The following PRKN variants were observed in gnomAD, a reference collection of about 807,000 sequenced individuals.
PRKN encodes parkin RBR E3 ubiquitin protein ligase, also known as E3 ubiquitin-protein ligase parkin.
PRKN carries 56 observed loss-of-function variants against 59.5 expected under a neutral mutation model. The ratio of observed to expected loss-of-function variants is 0.94; its 90% CI spans 0.76 to 1.18. The LOEUF (loss-of-function observed/expected upper bound fraction) is 1.18, where lower values mean the gene tolerates loss of function less well. Ranked by LOEUF, PRKN falls within the 50% of genes most tolerant of loss-of-function variation. The probability of loss-of-function intolerance (pLI) is 0.00; values close to 1 mark genes in which losing one functional copy is unlikely to be tolerated. For missense variants in PRKN, 657 were observed against 596.4 expected (o/e 1.10, Z -1.06); for synonymous variants, 250 against 222.1 (o/e 1.13, Z -1.12).
At chr6:161,640,521 G>C (rs6455746) in intron 7 of PRKN, among the ~76,000 whole-genome samples, 98,480 of 151,968 alleles carry the variant, frequency 0.65, 33,379 homozygotes, top group African/African-American at 0.84. Flanking sequence ...AACGAGATAT[G>C]GAATACAAAA....
chr6:161,934,208 T>C (rs897845920), intron 6 of PRKN, among the ~76,000 whole-genome samples: 3 of 152,194 alleles, frequency 2.0e-5, no homozygotes, highest in African/African-American at 7.2e-5. Flanking sequence ...CTCCTGTCGC[T>C]TTGTGAAGAA....
intron 1 of PRKN, among the ~76,000 whole-genome samples, chr6:162,709,305 G>A (rs1222325686): frequency 5.9e-5 from 9 of 151,698 alleles, no homozygotes; most frequent in Admixed American, 3.3e-4. Context: ...TTATGAAACC[G>A]ATCCCTGGTG....
rs934064585 is a variant in PRKN at position 161,593,057 on chromosome 6, C to T, written c.872-23641G>A. On this transcript the variant is annotated intron_variant, in intron 7 of 11. Transcript: ENST00000366898. The surrounding 1 kb of genome is among the most constrained non-coding windows in gnomAD (Gnocchi z 4.8). Reference sequence around the variant, plus strand: ...CGACTGCACAGAGCGTCCTCAGATGCGCTGCACCCCACGTCCGCTGCTGTT... The same window carrying T: ...CGACTGCACAGAGCGTCCTCAGATGTGCTGCACCCCACGTCCGCTGCTGTT... Among the ~76,000 whole-genome samples the T allele has an allele frequency of 2.0e-5, 3 of 152,294 alleles. No homozygotes were observed. Among genetic ancestry groups the T allele is most frequent in the Non-Finnish European group, 2.9e-5 (2 of 68,030 alleles).
intron 9 of PRKN, among the ~76,000 whole-genome samples, chr6:161,532,303 G>A (rs1228964951): frequency 6.6e-6 from 1 of 151,938 alleles, no homozygotes; most frequent in Non-Finnish European, 1.5e-5. Context: ...AAGTTTTAGG[G>A]TTCACTTAAG....
chr6:162,556,544 C>T (rs1016881967), intron 1 of PRKN, among the ~76,000 whole-genome samples: 1 of 151,424 alleles, frequency 6.6e-6, no homozygotes, highest in Non-Finnish European at 1.5e-5. Context: ...ATCAGGAGAT[C>T]GAGATCATCC....
chr6:161,820,836 T>C (rs896297052), intron 6 of PRKN, among the ~76,000 whole-genome samples: 6 of 151,576 alleles, frequency 4.0e-5, no homozygotes, highest in African/African-American at 7.2e-5. Context: ...GAAGTGGTTA[T>C]GTGTAACATA....
At chr6:161,613,512 G>C (rs914587847) in intron 7 of PRKN, among the ~76,000 whole-genome samples, 3 of 152,138 alleles carry the variant, frequency 2.0e-5, no homozygotes, top group African/African-American at 7.2e-5. Flanking sequence ...CTCCAATTTT[G>C]AAAGTTGTTC....
Position 161,448,260 on chromosome 6 carries a change from G to A in PRKN, c.1084-61383C>T, listed in dbSNP as rs777821721. On this transcript the variant is annotated intron_variant, in intron 9 of 11. Coordinates refer to ENST00000366898, the MANE Select transcript of PRKN (RefSeq NM_004562.3). The surrounding 1 kb of genome is among the most constrained non-coding windows in gnomAD (Gnocchi z 5.1). ...AAATTCATCATTCTTTGGTGTCTGC[G>A]TATCTCTGAATGGCCACTCCCATGC... is the stretch of plus-strand genomic sequence containing the variant. Among the ~76,000 whole-genome samples, 1 of 152,108 alleles carries A rather than the reference G, an allele frequency of 6.6e-6. No individual in the cohort carries two copies. Among genetic ancestry groups the A allele is most frequent in the Non-Finnish European group, 1.5e-5 (1 of 68,034 alleles).
At chr6:162,288,358 A>T (rs575239330) in intron 2 of PRKN, among the ~76,000 whole-genome samples, 3 of 152,260 alleles carry the variant, frequency 2.0e-5, no homozygotes, top group African/African-American at 7.2e-5. Flanking sequence ...ACTATGAAGA[A>T]TGCCACCCGT....
Position 161,354,277 on chromosome 6 carries a change from C to T in PRKN, c.1286-4066G>A, listed in dbSNP as rs994723221. On this transcript the variant is annotated intron_variant, in intron 11 of 11. Coordinates refer to ENST00000366898, the MANE Select transcript of PRKN (RefSeq NM_004562.3). This position sits in a 1 kb window ranked among gnomAD's most constrained non-coding sequence, Gnocchi z 6.7. ...CTTAAAAGTAAGTGCATCCAGGAAG[C>T]AGCTGAAACTTCACGCAGATTTGTG... is the stretch of plus-strand genomic sequence containing the variant. Among the ~76,000 whole-genome samples the T allele has an allele frequency of 2.6e-5, 4 of 152,174 alleles. No homozygotes were observed. The highest frequency in any genetic ancestry group is 5.9e-5 in the Non-Finnish European group (4 of 68,032).
chr6:161,404,472 G>A (rs1045012365), intron 9 of PRKN, among the ~76,000 whole-genome samples: 5 of 152,244 alleles, frequency 3.3e-5, no homozygotes, highest in South Asian at 2.1e-4. Context: ...TCATCAAGAC[G>A]CAAACAAGAC....
At chr6:162,350,068 A>T (rs530146500) in intron 2 of PRKN, among the ~76,000 whole-genome samples, 2 of 152,282 alleles carry the variant, frequency 1.3e-5, no homozygotes, top group African/African-American at 4.8e-5. Flanking sequence ...AACTGTTGGA[A>T]ATTAAAACGT....
chr6:161,824,398 C>T (rs772066763), intron 6 of PRKN, among the ~76,000 whole-genome samples: 5 of 152,188 alleles, frequency 3.3e-5, no homozygotes, highest in Admixed American at 6.5e-5. Flanking sequence ...ACAAATGAAT[C>T]ATGTACGCTT....
At position 161,498,253 on chromosome 6, in the gene PRKN, G is replaced by A. The variant is rs189891139; in HGVS notation, c.1083+50601C>T. ...GCAAATCAGTATCATGTTATAGAGT[G>A]TATTAATTAATAAATGGAATATTTA... On this transcript the variant is annotated intron_variant, in intron 9 of 11. Transcript: ENST00000366898. The surrounding 1 kb of genome is among the most constrained non-coding windows in gnomAD (Gnocchi z 4.2). Among the ~76,000 whole-genome samples the A allele has an allele frequency of 1.3e-5, 2 of 152,276 alleles. No individual in the cohort carries two copies. Among genetic ancestry groups the A allele is most frequent in the East Asian group, 3.9e-4 (2 of 5,186 alleles).
intron 6 of PRKN, among the ~76,000 whole-genome samples, chr6:161,896,769 C>T (rs1324396232): frequency 6.6e-6 from 1 of 152,094 alleles, no homozygotes; most frequent in African/African-American, 2.4e-5. Flanking sequence ...AGGTTCATTT[C>T]CTTTTTCTAT....
intron 1 of PRKN, among the ~76,000 whole-genome samples, chr6:162,610,223 C>T (rs1782090556): frequency 6.6e-6 from 1 of 152,056 alleles, no homozygotes; most frequent in African/African-American, 2.4e-5. Context: ...AAACTGAGAC[C>T]CAGAGAGGGT....
At chr6:162,538,234 C>A (rs986919954) in intron 1 of PRKN, among the ~76,000 whole-genome samples, 1 of 151,916 alleles carries the variant, frequency 6.6e-6, no homozygotes, top group African/African-American at 2.4e-5. Flanking sequence ...ACCTGCTCTA[C>A]CAAAAATACA....
chr6:161,631,736 A>G (rs905739045), intron 7 of PRKN, among the ~76,000 whole-genome samples: 3 of 150,512 alleles, frequency 2.0e-5, no homozygotes, highest in Non-Finnish European at 4.4e-5. Flanking sequence ...TTCATTTTCT[A>G]TATGCAGTTG....
chr6:161,866,791 G>A (rs1367538730), intron 6 of PRKN, among the ~76,000 whole-genome samples: 4 of 152,112 alleles, frequency 2.6e-5, no homozygotes, highest in African/African-American at 4.8e-5. Flanking sequence ...GCTGTGAGTA[G>A]GTGTGGGAGG....
Sources: gnomAD v4.1 joint callset for allele counts (sites outside exome capture counted in the v4.1 genomes callset) on GRCh38, gnomAD v4.1.1 for gene constraint, Gnocchi (gnomAD v3.1) non-coding constraint, MANE v1.5 for transcripts, NCBI Gene and HGNC (gene_info 2026-07-23, HGNC 2026-07-21) for gene names.